GNA14: variants seen among roughly 807,000 people sequenced by gnomAD.
The protein encoded by GNA14 is G protein subunit alpha 14.
Under a neutral mutation model 42.0 loss-of-function variants are expected in GNA14, and 50 were observed. The ratio of observed to expected loss-of-function variants is 1.19; its 90% CI spans 0.95 to 1.51. GNA14 has a LOEUF of 1.51. Ranked by LOEUF, GNA14 falls within the 40% of genes most tolerant of loss-of-function variation. The pLI is 0.00. For missense variants in GNA14, 473 were observed against 446.2 expected (o/e 1.06, Z -0.54); for synonymous variants, 173 against 163.1 (o/e 1.06, Z -0.46).
At chr9:77,535,486 C>A (rs746661620) in intron 1 of GNA14, among the ~76,000 whole-genome samples, 1 of 152,034 alleles carries the variant, frequency 6.6e-6, no homozygotes, top group Non-Finnish European at 1.5e-5. Context: ...AGAGGTTGCA[C>A]TGAGCTGAGC....
At chr9:77,643,481 C>T (rs1033645642) in intron 1 of GNA14, among the ~76,000 whole-genome samples, 3 of 152,022 alleles carry the variant, frequency 2.0e-5, no homozygotes, top group African/African-American at 7.2e-5. Flanking sequence ...TCAGGTGATC[C>T]GCCCGCCTCA....
At chr9:77,623,723 G>A (rs1272117113) in intron 1 of GNA14, among the ~76,000 whole-genome samples, 2 of 152,276 alleles carry the variant, frequency 1.3e-5, no homozygotes, top group East Asian at 1.9e-4. Flanking sequence ...CATGAGGAAC[G>A]GTGCATTCTG....
intron 1 of GNA14, among the ~76,000 whole-genome samples, chr9:77,641,953 C>T (rs1824275104): frequency 6.6e-6 from 1 of 152,194 alleles, no homozygotes; most frequent in Non-Finnish European, 1.5e-5. Context: ...AAAGGGCATA[C>T]CTATGTTGTT....
intron 2 of GNA14, among the ~76,000 whole-genome samples, chr9:77,486,936 G>A (rs1056743605): frequency 2.6e-5 from 4 of 151,116 alleles, no homozygotes; most frequent in African/African-American, 9.8e-5. Context: ...ACTTTCCAGA[G>A]ACATGAAGTG....
At chr9:77,618,473 C>CAGT (rs1823857402) in intron 1 of GNA14, among the ~76,000 whole-genome samples, 1 of 150,330 alleles carries the variant, frequency 6.7e-6, no homozygotes, top group Non-Finnish European at 1.5e-5. Flanking sequence ...ATATGGTACC[C>CAGT]AGTAGTTACG....
chr9:77,438,352 C>T (rs948965020), intron 2 of GNA14, among the ~76,000 whole-genome samples: 19 of 151,990 alleles, frequency 1.3e-4, no homozygotes, highest in East Asian at 5.8e-4. Context: ...ATGCAATCTC[C>T]GCCCCACCGG....
Position 77,424,058 on chromosome 9 carries a change from G to A in GNA14, c.989C>T (p.Thr330Ile). 1 of 1,611,768 alleles carries A rather than the reference G, an allele frequency of 6.2e-7. No individual in the cohort carries two copies. The highest frequency in any genetic ancestry group is 8.5e-7 in the Non-Finnish European group (1 of 1,178,432). Residue 330 changes from threonine (T) to isoleucine (I), a missense_variant, in exon 7 of 7, where the codon ACA (threonine) becomes ATA (isoleucine). Transcript: ENST00000341700. ...IYSHFTCATD[T>I]DNIRFVFAAV... is the part of the protein sequence containing the mutation. ...AGCAAACACAAAGCGAATATTGTCT[G>A]TATCTGTAGCACATGTGAAGTGAGA...
chr9:77,462,666 A>G (rs1302704332), intron 2 of GNA14, among the ~76,000 whole-genome samples: 1 of 138,166 alleles, frequency 7.2e-6, no homozygotes, highest in Non-Finnish European at 1.5e-5. Flanking sequence ...GGTTGCAGTG[A>G]GCTGAGACAG....
chr9:77,583,770 G>A (rs1322950514), intron 1 of GNA14, among the ~76,000 whole-genome samples: 1 of 152,094 alleles, frequency 6.6e-6, no homozygotes, highest in Admixed American at 6.6e-5. Flanking sequence ...TAAAAATGCA[G>A]AGTCTGACTC....
At chr9:77,580,926 G>A (rs1371778183) in intron 1 of GNA14, among the ~76,000 whole-genome samples, 1 of 151,644 alleles carries the variant, frequency 6.6e-6, no homozygotes, top group Non-Finnish European at 1.5e-5. Context: ...GTAACCCAAA[G>A]AAGTGAAGGA....
intron 2 of GNA14, among the ~76,000 whole-genome samples, chr9:77,499,085 G>T (rs1426555730): frequency 6.6e-6 from 1 of 152,166 alleles, no homozygotes; most frequent in Non-Finnish European, 1.5e-5. Context: ...ACTATGTGGA[G>T]AATTCCACAA....
At chr9:77,603,943 C>CAAAAAA (rs1289614764) in intron 1 of GNA14, among the ~76,000 whole-genome samples, 10 of 40,198 alleles carry the variant, frequency 2.5e-4, no homozygotes, top group African/African-American at 5.7e-4. Flanking sequence ...GACTCCATCT[C>CAAAAAA]AAAAAAAAAA....
intron 1 of GNA14, among the ~76,000 whole-genome samples, chr9:77,537,513 T>C (rs1837612339): frequency 6.6e-6 from 1 of 152,236 alleles, no homozygotes; most frequent in Non-Finnish European, 1.5e-5. Context: ...TCCTTATCTT[T>C]GCTATTGTGA....
At chr9:77,475,044 T>TTTTTTTTTTTTTTGAGACGGAGTCTC (rs1406794078) in intron 2 of GNA14, among the ~76,000 whole-genome samples, 1 of 151,156 alleles carries the variant, frequency 6.6e-6, no homozygotes, top group African/African-American at 2.5e-5. Flanking sequence ...GTTTCTTTTA[T>TTTTTTTTTTTTTTGAGACGGAGTCTC]GGGGGACATA....
intron 1 of GNA14, among the ~76,000 whole-genome samples, chr9:77,610,593 A>G (rs1318882965): frequency 6.6e-6 from 1 of 152,200 alleles, no homozygotes; most frequent in Admixed American, 6.5e-5. Flanking sequence ...GTTTTAACAT[A>G]TAAATTTTAA....
At chr9:77,477,141 G>A (rs186004554) in intron 2 of GNA14, among the ~76,000 whole-genome samples, 144 of 152,292 alleles carry the variant, frequency 9.5e-4, no homozygotes, top group Non-Finnish European at 1.7e-3. Context: ...TGGATTGCTT[G>A]AGGCCAGGAG....
chr9:77,620,900 C>G (rs945082505), intron 1 of GNA14, among the ~76,000 whole-genome samples: 2 of 146,762 alleles, frequency 1.4e-5, no homozygotes, highest in Non-Finnish European at 3.0e-5. Flanking sequence ...CAACATGATT[C>G]TCTTTAAATA....
chr9:77,431,965 G>A (rs1235766297), intron 3 of GNA14, among the ~76,000 whole-genome samples: 1 of 152,106 alleles, frequency 6.6e-6, no homozygotes, highest in African/African-American at 2.4e-5. Flanking sequence ...ACAGCAACAA[G>A]AACAAGTTTT....
At chr9:77,523,437 T>A (rs979930328) in intron 2 of GNA14, among the ~76,000 whole-genome samples, 1 of 152,040 alleles carries the variant, frequency 6.6e-6, no homozygotes, top group Non-Finnish European at 1.5e-5. Flanking sequence ...ACTCACTCAC[T>A]GTCATGAGGA....
Sources: gnomAD v4.1 joint callset for allele counts (sites outside exome capture counted in the v4.1 genomes callset) on GRCh38, gnomAD v4.1.1 for gene constraint, MANE v1.5 for transcripts, NCBI Gene and HGNC (gene_info 2026-07-23, HGNC 2026-07-21) for gene names.